Variants in ANKMY1 observed in about 807,000 individuals in gnomAD.
ANKMY1 encodes ankyrin repeat and MYND domain containing 1.
A neutral mutation model predicts 102.0 loss-of-function variants in ANKMY1; 98 were observed. The observed-to-expected ratio is 0.96, with a 90% CI of 0.82 to 1.14. The LOEUF (loss-of-function observed/expected upper bound fraction) is 1.14. Among genes scored for constraint, ANKMY1 ranks in the 50% most tolerant of loss-of-function variants. The probability of loss-of-function intolerance (pLI) is 0.00; values close to 1 mark genes in which losing one functional copy is unlikely to be tolerated. For missense variants in ANKMY1, 1,330 were observed against 1,347.6 expected (o/e 0.99, Z 0.20); for synonymous variants, 582 against 559.9 (o/e 1.04, Z -0.56).
rs563182944 is a variant in ANKMY1, at chr2:240,529,477, T to C, written c.513A>G (p.Pro171=). 1.7e-5 allele frequency: 28 copies of C among 1,613,768 alleles called. No homozygotes were observed. In the East Asian group the frequency reaches 5.6e-4, roughly 32 times the overall value. The part of the protein sequence containing the change: ...GLYKADQRFG[P]GVETYPDGSQ... ...TGCCATCGGGGTAGGTCTCGACACC[T>C]GGCCCAAACCGCTGGTCCGCTTTGT... Residue 171 remains proline, a synonymous_variant, in exon 5 of 18, where the codon CCA becomes CCG. Transcript: ENST00000401804. This position sits in a 1 kb window ranked among gnomAD's most constrained non-coding sequence, Gnocchi z 4.2.
Position 240,509,382 on chromosome 2 carries a change from G to A in ANKMY1, c.2360C>T (p.Pro787Leu), listed in dbSNP as rs200198187. 5.9e-5 allele frequency: 96 copies of A among 1,613,710 alleles called. No individual in the cohort carries two copies. Among genetic ancestry groups the A allele is most frequent in the East Asian group, 5.3e-4 (24 of 44,880 alleles). Reference protein sequence around the residue: ...NPNLLWSGHSPLSLSIASGNE... With the variant: ...NPNLLWSGHSLLSLSIASGNE... ...CCCACTGGCAATGGACAGGGAGAGC[G>A]GGGAGTGGCCACTCCACAGCAGGTT... Residue 787 changes from proline to leucine, a missense_variant, in exon 12 of 18, where the codon CCG becomes CTG. Physicochemically the swap from Pro to Leu is moderately conservative, Grantham distance 98. Transcript: ENST00000401804.
intron 7 of ANKMY1, among the ~76,000 whole-genome samples, chr2:240,524,588 GCCACA>G (rs1465578819): frequency 6.6e-6 from 1 of 152,204 alleles, no homozygotes; most frequent in African/African-American, 2.4e-5. Flanking sequence ...ACCTGACCAG[GCCACA>G]CCTCAGGCTG....
At chr2:240,519,044 T>C (rs182381286) in intron 9 of ANKMY1, among the ~76,000 whole-genome samples, 13 of 152,316 alleles carry the variant, frequency 8.5e-5, no homozygotes, top group African/African-American at 2.4e-4. Context: ...GCTGAAACGA[T>C]GGACGAGTGT....
intron 13 of ANKMY1, among the ~76,000 whole-genome samples, chr2:240,505,279 T>G (rs1360901447): frequency 6.6e-6 from 1 of 151,656 alleles, no homozygotes; most frequent in Admixed American, 6.6e-5. Context: ...CTGACCAACA[T>G]AGTGAAATCC....
At chr2:240,544,282 G>C (rs2089758876) in intron 4 of ANKMY1, among the ~76,000 whole-genome samples, 1 of 152,170 alleles carries the variant, frequency 6.6e-6, no homozygotes, top group Admixed American at 6.5e-5. Flanking sequence ...AGAAAATTTA[G>C]GACAAATCAG....
intron 15 of ANKMY1, among the ~76,000 whole-genome samples, chr2:240,486,995 G>T (rs1238639757): frequency 6.6e-6 from 1 of 152,074 alleles, no homozygotes; most frequent in Admixed American, 6.5e-5. Context: ...TAGGGTATTC[G>T]GGTGTCCATC....
At chr2:240,560,897 C>G (rs1437793343), upstream of ANKMY1, 6 of 1,521,718 alleles carry the variant, frequency 3.9e-6, no homozygotes, top group Non-Finnish European at 5.2e-6. Flanking sequence ...TGCCCGTGTT[C>G]GACGACCCGG....
At position 240,555,029 on chromosome 2, in the gene ANKMY1, T is replaced by C. The variant is rs768497024; in HGVS notation, c.173A>G (p.Glu58Gly). 4 of 1,614,042 alleles carry C rather than the reference T, an allele frequency of 2.5e-6. No homozygotes were observed. The highest frequency in any genetic ancestry group is 3.4e-6 in the Non-Finnish European group (4 of 1,179,960). The change falls in exon 3 of 18, where the codon GAA (glutamate) becomes GGA (glycine). Residue 58 changes from glutamate to glycine, a missense_variant. Physicochemically the swap from Glu to Gly is moderately conservative, Grantham distance 98. Coordinates refer to ENST00000401804, the MANE Select transcript of ANKMY1 (RefSeq NM_001282771.3). ...CAGCGGGCCCTCAGCTTCCTCCTCT[T>C]CCTTCTCAGGGGCTGCTGAAACATC... ...TRDVSAAPEK[E>G]EEEAEGPLRA... is the part of the protein sequence containing the mutation.
chr2:240,493,976 T>C (rs1247649128), intron 15 of ANKMY1, among the ~76,000 whole-genome samples: 1 of 152,190 alleles, frequency 6.6e-6, no homozygotes, highest in African/African-American at 2.4e-5. Context: ...TGTACTGATG[T>C]TGGCGGCTGT....
chr2:240,544,021 G>A (rs2089675284), intron 4 of ANKMY1, among the ~76,000 whole-genome samples: 1 of 152,112 alleles, frequency 6.6e-6, no homozygotes, highest in South Asian at 2.1e-4. Context: ...GATGTGCTGT[G>A]AGAAAAAGAA....
chr2:240,552,445 G>A (rs932568097), intron 4 of ANKMY1, among the ~76,000 whole-genome samples: 3 of 152,118 alleles, frequency 2.0e-5, no homozygotes, highest in African/African-American at 7.2e-5. Context: ...TGAGGGTGAT[G>A]GAACTGTTTG....
rs35620630 is a variant in ANKMY1 at position 240,530,209 on chromosome 2, G to A, written c.481-700C>T. ...CGGCCACTGCCAGGTGCCCAGGGGA[G>A]GGAGCACAGTCAGGGGCCTGCTGCC... On this transcript the variant is annotated intron_variant, in intron 4 of 17. Coordinates refer to ENST00000401804, the MANE Select transcript of ANKMY1 (RefSeq NM_001282771.3). Among the ~76,000 whole-genome samples the A allele has an allele frequency of 2.2e-3, 342 of 152,308 alleles. 1 individual carries two copies. Among genetic ancestry groups the A allele is most frequent in the Middle Eastern group, 6.8e-3 (2 of 292 alleles).
At chr2:240,542,711 TGTTTA>T (rs1200834187) in intron 4 of ANKMY1, among the ~76,000 whole-genome samples, 1 of 103,574 alleles carries the variant, frequency 9.7e-6, no homozygotes, top group Non-Finnish European at 2.1e-5. Flanking sequence ...TGTCTAGATA[TGTTTA>T]TATCTATATA....
intron 4 of ANKMY1, among the ~76,000 whole-genome samples, chr2:240,530,674 C>T (rs1436982529): frequency 2.6e-5 from 4 of 152,190 alleles, no homozygotes; most frequent in African/African-American, 9.7e-5. Flanking sequence ...CCATGCTACA[C>T]ACCCGCCTGA....
intron 4 of ANKMY1, among the ~76,000 whole-genome samples, chr2:240,539,864 G>C (rs2088174509): frequency 6.6e-6 from 1 of 152,192 alleles, no homozygotes; most frequent in South Asian, 2.1e-4. Context: ...AAAACTGTGT[G>C]CTTAGCCATA....
In ANKMY1 at chr2:240,557,692, G is replaced by C. The variant is rs568210278; in HGVS notation, c.-18+189C>G. 1.3e-3 allele frequency among the ~76,000 whole-genome samples: 202 copies of C among 152,270 alleles called. 1 individual carries two copies. Among genetic ancestry groups the C allele is most frequent in the African/African-American group, 4.6e-3 (191 of 41,566 alleles). ...GCCGCTAACAGCGGGTCTCAGCCAC[G>C]GGCCTCTGAAGCCAGCGCTCGAGGG... On this transcript the variant is annotated intron_variant, in intron 1 of 17. Coordinates refer to ENST00000401804, the MANE Select transcript of ANKMY1 (RefSeq NM_001282771.3).
chr2:240,522,974 C>G (rs1000935941), intron 8 of ANKMY1: 1 of 152,118 alleles, frequency 6.6e-6, no homozygotes, highest in African/African-American at 2.4e-5. Flanking sequence ...GAATGAACAG[C>G]CACATACCAG....
At chr2:240,542,518 A>G (rs891924544) in intron 4 of ANKMY1, among the ~76,000 whole-genome samples, 6 of 152,006 alleles carry the variant, frequency 3.9e-5, no homozygotes, top group Admixed American at 2.0e-4. Flanking sequence ...AAAAAAAAAA[A>G]TCAAACTGCC....
At chr2:240,533,399 G>T (rs2085919551) in intron 4 of ANKMY1, among the ~76,000 whole-genome samples, 1 of 152,080 alleles carries the variant, frequency 6.6e-6, no homozygotes, top group African/African-American at 2.4e-5. Context: ...AAAATCATGA[G>T]CTAAGTATAT....
Sources: gnomAD v4.1 joint callset for allele counts (sites outside exome capture counted in the v4.1 genomes callset) on GRCh38, gnomAD v4.1.1 for gene constraint, Gnocchi (gnomAD v3.1) non-coding constraint, MANE v1.5 for transcripts, NCBI Gene and HGNC (gene_info 2026-07-23, HGNC 2026-07-21) for gene names.